SUGCT: variants seen among roughly 807,000 people sequenced by gnomAD.
SUGCT encodes the protein succinyl-CoA:glutarate CoA-transferase.
Under a neutral mutation model 55.0 loss-of-function variants are expected in SUGCT, and 41 were observed. That is an observed-to-expected ratio of 0.74 (90% CI 0.58 to 0.97). The LOEUF (loss-of-function observed/expected upper bound fraction) is 0.97, where lower values mean the gene tolerates loss of function less well. Ranked by LOEUF, SUGCT falls within the 50% of genes least tolerant of loss-of-function variation. SUGCT has a pLI of 0.00. For missense variants in SUGCT, 568 were observed against 547.8 expected, an observed-to-expected ratio of 1.04 and a Z score of -0.37; for synonymous variants, 187 against 200.4, an observed-to-expected ratio of 0.93 and a Z score of 0.56.
chr7:40,693,230 G>A (rs1784774307), intron 12 of SUGCT, among the ~76,000 whole-genome samples: 1 of 152,136 alleles, frequency 6.6e-6, no homozygotes, highest in South Asian at 2.1e-4. Context: ...TCAAGTACTG[G>A]CTCTACCACT....
the SUGCT span, among the ~76,000 whole-genome samples, chr7:40,879,652 AT>A: frequency 1.3e-5 from 2 of 152,190 alleles, no homozygotes; most frequent in Non-Finnish European, 2.9e-5. Context: ...CATTTTGCAT[AT>A]TTTTTTCCAT....
chr7:40,893,967 A>G, the SUGCT span, among the ~76,000 whole-genome samples: 121 of 151,632 alleles, frequency 8.0e-4, no homozygotes, highest in African/African-American at 2.5e-3. Flanking sequence ...AGAATGAGAC[A>G]TGAGACTCAC....
At chr7:40,357,932 A>G (rs1797957866) in intron 9 of SUGCT, among the ~76,000 whole-genome samples, 1 of 152,208 alleles carries the variant, frequency 6.6e-6, no homozygotes. Flanking sequence ...GTTGAGAATC[A>G]TTGATCTATG....
intron 12 of SUGCT, among the ~76,000 whole-genome samples, chr7:40,714,212 C>T (rs1785888640): frequency 6.6e-6 from 1 of 151,912 alleles, no homozygotes; most frequent in Non-Finnish European, 1.5e-5. Context: ...CGCCTGTAAT[C>T]TCAGCTACTT....
chr7:40,812,851 T>G (rs545710293), intron 13 of SUGCT, among the ~76,000 whole-genome samples: 72 of 152,278 alleles, frequency 4.7e-4, no homozygotes, highest in African/African-American at 1.7e-3. Flanking sequence ...AGGTAGGTTT[T>G]TAGTGCTATA....
At chr7:40,891,441 C>A in the SUGCT span, among the ~76,000 whole-genome samples, 2 of 152,098 alleles carry the variant, frequency 1.3e-5, no homozygotes, top group East Asian at 3.9e-4. Context: ...AAAAGGGAAT[C>A]CTCTTCAGAC....
chr7:40,613,859 G>A (rs1169695495), intron 12 of SUGCT, among the ~76,000 whole-genome samples: 1 of 152,058 alleles, frequency 6.6e-6, no homozygotes, highest in Non-Finnish European at 1.5e-5. Flanking sequence ...CGCCCTCCTC[G>A]GCCTCCCGAA....
At chr7:40,936,970 A>G in the SUGCT span, among the ~76,000 whole-genome samples, 1 of 151,972 alleles carries the variant, frequency 6.6e-6, no homozygotes. Context: ...AATTCTTTGT[A>G]TGATTTGAAT....
intron 11 of SUGCT, among the ~76,000 whole-genome samples, chr7:40,484,612 C>T (rs1371945980): frequency 6.6e-6 from 1 of 152,136 alleles, no homozygotes; most frequent in African/African-American, 2.4e-5. Flanking sequence ...GCCTTCAGAT[C>T]CAGACATTGC....
At chr7:40,909,054 T>C in the SUGCT span, among the ~76,000 whole-genome samples, 2 of 152,196 alleles carry the variant, frequency 1.3e-5, no homozygotes, top group Non-Finnish European at 2.9e-5. Context: ...TTTAAGGTTT[T>C]TTCCCCACTT....
chr7:40,167,387 G>A (rs7807318), intron 1 of SUGCT, among the ~76,000 whole-genome samples: 5,001 of 152,262 alleles, frequency 0.033, 251 homozygotes, highest in African/African-American at 0.11. Flanking sequence ...AAGGGCAGGT[G>A]GAAAGTTTTA....
intron 13 of SUGCT, among the ~76,000 whole-genome samples, chr7:40,858,042 T>G (rs2128807252): frequency 6.6e-6 from 1 of 152,316 alleles, no homozygotes; most frequent in East Asian, 1.9e-4. Flanking sequence ...CTTTAACATT[T>G]AAACCTCCAT....
At chr7:40,845,234 G>A (rs925879964) in intron 13 of SUGCT, among the ~76,000 whole-genome samples, 4 of 152,140 alleles carry the variant, frequency 2.6e-5, no homozygotes, top group Non-Finnish European at 4.4e-5. Context: ...CAGATCAAAT[G>A]TTATAGGGAG....
intron 1 of SUGCT, 51 bp from the exon 2 acceptor site, chr7:40,180,896 G>T: frequency 7.3e-7 from 1 of 1,369,478 alleles, no homozygotes; most frequent in South Asian, 1.2e-5. Flanking sequence ...ATGTGAAAAT[G>T]TAAGAAAATT....
chr7:40,483,087 CTG>C (rs1264595417), intron 11 of SUGCT, among the ~76,000 whole-genome samples: 2 of 152,088 alleles, frequency 1.3e-5, no homozygotes, highest in Non-Finnish European at 2.9e-5. Flanking sequence ...AATATTAAAT[CTG>C]TGATTCTGTT....
At chr7:40,982,278 C>T in the SUGCT span, among the ~76,000 whole-genome samples, 1 of 152,208 alleles carries the variant, frequency 6.6e-6, no homozygotes, top group Non-Finnish European at 1.5e-5. Context: ...CAGTTCACCA[C>T]TGATCATTCA....
chr7:40,973,883 T>C, the SUGCT span, among the ~76,000 whole-genome samples: 1 of 152,212 alleles, frequency 6.6e-6, no homozygotes, highest in Admixed American at 6.5e-5. Context: ...CTCTCTTTCA[T>C]CCCCCAGTAG....
intron 9 of SUGCT, among the ~76,000 whole-genome samples, chr7:40,398,415 G>C (rs116680369): frequency 0.019 from 2,946 of 151,782 alleles, 87 homozygotes; most frequent in African/African-American, 0.068. Flanking sequence ...TTCTTGATAA[G>C]ACAATTCTGA....
chr7:40,673,520 C>T (rs1802045009), intron 12 of SUGCT, among the ~76,000 whole-genome samples: 1 of 152,144 alleles, frequency 6.6e-6, no homozygotes, highest in Admixed American at 6.5e-5. Flanking sequence ...TAAATCTTGC[C>T]TCAAAGCCTT....
Sources: allele counts gnomAD v4.1 joint callset (sites outside exome capture counted in the v4.1 genomes callset), GRCh38; gene constraint gnomAD v4.1.1; transcripts MANE v1.5; gene names NCBI Gene and HGNC (gene_info 2026-07-23, HGNC 2026-07-21).